The following DLGAP2 variants were observed in gnomAD, a reference collection of about 807,000 sequenced individuals.
The protein encoded by DLGAP2 is DLG associated protein 2.
Under a neutral mutation model 100.3 loss-of-function variants are expected in DLGAP2, and 26 were observed. That is an observed-to-expected ratio of 0.26 (90% CI 0.19 to 0.36). DLGAP2 has a LOEUF of 0.36. DLGAP2 is among the 10% of genes least tolerant of loss of function. The probability of loss-of-function intolerance (pLI) is 1.00; values close to 1 mark genes in which losing one functional copy is unlikely to be tolerated. For missense variants in DLGAP2, 1,858 were observed against 1,453.2 expected (o/e 1.28, Z -4.53); for synonymous variants, 886 against 630.1 (o/e 1.41, Z -6.08).
chr8:1,145,281 C>T (rs1199545612), intron 2 of DLGAP2, among the ~76,000 whole-genome samples: 1 of 152,170 alleles, frequency 6.6e-6, no homozygotes, highest in Non-Finnish European at 1.5e-5. Flanking sequence ...ACCCACCCAC[C>T]ATCCCTCCAG....
Position 924,729 on chromosome 8 carries a change from T to C in DLGAP2, c.73+16763T>C, listed in dbSNP as rs549909312. The stretch of plus-strand genomic sequence containing the variant: ...TCCTGAGTAGCTGGGATTACAGGCA[T>C]GCACCACCATGCCTGGCTATTTTTT... On this transcript the variant is annotated intron_variant, in intron 2 of 14. Transcript: ENST00000637795. Among the ~76,000 whole-genome samples, 53 of 152,116 alleles carry C rather than the reference T, an allele frequency of 3.5e-4. No homozygotes were observed. The East Asian group carries it at 9.5e-3, about 27-fold the overall frequency.
At chr8:834,108 C>G (rs1796829551) in intron 1 of DLGAP2, among the ~76,000 whole-genome samples, 1 of 152,208 alleles carries the variant, frequency 6.6e-6, no homozygotes, top group East Asian at 1.9e-4. Flanking sequence ...CCAGGCAACT[C>G]AGCGTTGCCT....
At chr8:1,515,471 C>T (rs1179214161) in intron 4 of DLGAP2, among the ~76,000 whole-genome samples, 2 of 151,818 alleles carry the variant, frequency 1.3e-5, no homozygotes, top group Non-Finnish European at 2.9e-5. Flanking sequence ...CAATTGTAGA[C>T]ATGCAAAAAT....
At chr8:799,520 C>G (rs914011130) in intron 1 of DLGAP2, among the ~76,000 whole-genome samples, 2 of 152,204 alleles carry the variant, frequency 1.3e-5, no homozygotes, top group Non-Finnish European at 2.9e-5. Flanking sequence ...GCTCTGTGTA[C>G]CTAACAGCGT....
chr8:1,342,733 C>T (rs1027315032), intron 3 of DLGAP2, among the ~76,000 whole-genome samples: 14 of 152,312 alleles, frequency 9.2e-5, no homozygotes, highest in East Asian at 3.9e-4. Flanking sequence ...AACTTCAAAA[C>T]GAAAATTAAC....
chr8:1,470,251 T>C (rs936546663), intron 3 of DLGAP2, among the ~76,000 whole-genome samples: 2 of 152,160 alleles, frequency 1.3e-5, no homozygotes, highest in African/African-American at 4.8e-5. Flanking sequence ...ACGTCTACAC[T>C]GTCGCCTGTG....
At chr8:831,564 C>T (rs1796784141) in intron 1 of DLGAP2, among the ~76,000 whole-genome samples, 3 of 152,136 alleles carry the variant, frequency 2.0e-5, no homozygotes, top group Admixed American at 6.5e-5. Context: ...TTAATGGCTG[C>T]ATAATATTCC....
intron 2 of DLGAP2, among the ~76,000 whole-genome samples, chr8:1,066,732 G>T (rs943235710): frequency 3.9e-5 from 6 of 152,260 alleles, no homozygotes; most frequent in Admixed American, 6.5e-5. Flanking sequence ...CGACTGGCCT[G>T]TCTTTGTCCT....
chr8:1,023,463 G>A (rs1052191371), intron 2 of DLGAP2, among the ~76,000 whole-genome samples: 8 of 152,132 alleles, frequency 5.3e-5, no homozygotes, highest in African/African-American at 1.9e-4. Context: ...CCCCTGTAGC[G>A]GGCACTGTAG....
At chr8:1,577,864 G>T (rs141059671) in intron 6 of DLGAP2, among the ~76,000 whole-genome samples, 169 of 152,304 alleles carry the variant, frequency 1.1e-3, no homozygotes, top group African/African-American at 4.0e-3. Context: ...CCCTGGCCCC[G>T]CAAGTCCTGA....
chr8:1,150,181 A>T (rs1287936419), intron 2 of DLGAP2, among the ~76,000 whole-genome samples: 1 of 152,100 alleles, frequency 6.6e-6, no homozygotes, highest in Admixed American at 6.5e-5. Context: ...AAATTCTCTC[A>T]ATTTTTGTTT....
intron 4 of DLGAP2, among the ~76,000 whole-genome samples, chr8:1,522,468 G>A (rs1800639442): frequency 6.6e-6 from 1 of 152,188 alleles, no homozygotes; most frequent in African/African-American, 2.4e-5. Context: ...TGGGGCCAAG[G>A]CCAGTCAGAG....
At chr8:1,079,944 G>T (rs1228329033) in intron 2 of DLGAP2, among the ~76,000 whole-genome samples, 1 of 152,250 alleles carries the variant, frequency 6.6e-6, no homozygotes, top group Non-Finnish European at 1.5e-5. Context: ...AACAGTGCTG[G>T]AATGCACTCC....
At chr8:892,162 G>T (rs1489840591) in intron 1 of DLGAP2, among the ~76,000 whole-genome samples, 1 of 152,148 alleles carries the variant, frequency 6.6e-6, no homozygotes, top group Non-Finnish European at 1.5e-5. Context: ...TCAAAAACTC[G>T]AGACGGAACC....
At chr8:1,700,096 G>A (rs755095603) in intron 14 of DLGAP2, among the ~76,000 whole-genome samples, 8 of 152,178 alleles carry the variant, frequency 5.3e-5, no homozygotes, top group Non-Finnish European at 8.8e-5. Context: ...AAAACAAGCC[G>A]AGGGAACAAA....
intron 13 of DLGAP2, among the ~76,000 whole-genome samples, chr8:1,695,453 G>T (rs73672934): frequency 0.054 from 6,882 of 127,484 alleles, 1 homozygote; most frequent in South Asian, 0.1. Context: ...AGAAAGAGGG[G>T]GCACAGCCAT....
intron 2 of DLGAP2, among the ~76,000 whole-genome samples, chr8:1,192,686 T>C (rs901729351): frequency 9.2e-5 from 14 of 151,412 alleles, no homozygotes; most frequent in African/African-American, 3.4e-4. Context: ...TTAATTATTA[T>C]TATACTTTAA....
At chr8:1,583,982 G>T (rs1302422264) in intron 6 of DLGAP2, among the ~76,000 whole-genome samples, 1 of 152,018 alleles carries the variant, frequency 6.6e-6, no homozygotes, top group Non-Finnish European at 1.5e-5. Flanking sequence ...CCTCCTCTGG[G>T]AAGGCTCCCT....
chr8:997,659 G>A (rs955010973), intron 2 of DLGAP2, among the ~76,000 whole-genome samples: 1 of 152,074 alleles, frequency 6.6e-6, no homozygotes, highest in African/African-American at 2.4e-5. Flanking sequence ...TCACACAAAC[G>A]TTTGTTCATC....
Sources: gnomAD v4.1 joint callset for allele counts (sites outside exome capture counted in the v4.1 genomes callset) on GRCh38, gnomAD v4.1.1 for gene constraint, MANE v1.5 for transcripts, NCBI Gene and HGNC (gene_info 2026-07-23, HGNC 2026-07-21) for gene names.